The following ZNF665 variants were observed in gnomAD, a reference collection of about 807,000 sequenced individuals.
ZNF665 encodes zinc finger protein 665.
A neutral mutation model predicts 7.9 loss-of-function variants in ZNF665; 6 were observed. That is an observed-to-expected ratio of 0.76 (90% CI 0.42 to 1.50). ZNF665 has a LOEUF of 1.50. Ranked by LOEUF, ZNF665 falls within the 40% of genes most tolerant of loss-of-function variation. The probability of loss-of-function intolerance (pLI) is 0.01; values close to 1 mark genes in which losing one functional copy is unlikely to be tolerated. For missense variants in ZNF665, 819 were observed against 806.7 expected, an observed-to-expected ratio of 1.02 and a Z score of -0.18; for synonymous variants, 242 against 274.5, an observed-to-expected ratio of 0.88 and a Z score of 1.17.
In ZNF665 at chr19:53,165,615, C is replaced by CATTT; in HGVS notation, c.871_874dup (p.Cys292Ter). On this transcript the variant is annotated stop_gained and frameshift_variant, in exon 4 of 4. Coordinates refer to ENST00000396424, the MANE Select transcript of ZNF665 (RefSeq NM_024733.5). LOFTEE classifies it low-confidence loss of function (END_TRUNC). ...AGTGAAGCACTTGCCACATTCCTTA[C>CATTT]ATTTGTAAGGTTTTTCTCCAGTATG... The CATTT allele has an allele frequency of 6.2e-7, 1 of 1,614,148 alleles. No homozygotes were observed. The highest frequency in any genetic ancestry group is 2.2e-5 in the East Asian group (1 of 44,878).
chr19:53,175,059 A>T (rs2090686720), intron 3 of ZNF665, among the ~76,000 whole-genome samples: 1 of 152,078 alleles, frequency 6.6e-6, no homozygotes, highest in South Asian at 2.1e-4. Context: ...AGGAAACTGT[A>T]GACGGATTTG....
In ZNF665 at chr19:53,164,687, A is replaced by G. The variant is rs12459471; in HGVS notation, c.1803T>C (p.Asn601=). ...TTTGAGTGAAGACCTTGCCACATTC[A>G]TTACATTTGTAAGGTTTTTCTCCAG... ...IHTGEKPYKC[N]ECGKVFTQNS... is the part of the protein sequence containing the mutation. Residue 601 remains asparagine, a synonymous_variant, in exon 4 of 4, where the codon AAT becomes AAC. Transcript: ENST00000396424. 0.61 allele frequency: 979,265 copies of G among 1,613,464 alleles called. 305,503 individuals are homozygous for G. The highest frequency in any genetic ancestry group is 0.72 in the South Asian group (65,107 of 91,036).
chr19:53,164,714 A>G lies in ZNF665; in HGVS notation c.1776T>C (p.His592=). Residue 592 remains histidine (H), a synonymous_variant, in exon 4 of 4, where the codon CAT becomes CAC. Transcript: ENST00000396424. ...HSNLATHQVI[H]TGEKPYKCNE... ...TACATTTGTAAGGTTTTTCTCCAGTATGGATGACCTGATGGGTAGCTAGGT... is the reference window on the plus strand; with the variant it reads ...TACATTTGTAAGGTTTTTCTCCAGTGTGGATGACCTGATGGGTAGCTAGGT... 6.2e-7 allele frequency: 1 copy of G among 1,614,016 alleles called. No individual in the cohort carries two copies. The highest frequency in any genetic ancestry group is 8.5e-7 in the Non-Finnish European group (1 of 1,179,944).
intron 1 of ZNF665, among the ~76,000 whole-genome samples, chr19:53,192,841 C>G (rs572652454): frequency 6.6e-6 from 1 of 152,046 alleles, no homozygotes; most frequent in African/African-American, 2.4e-5. Context: ...TAGGGAGCAG[C>G]AGGGCCCGGC....
At chr19:53,184,134 C>T (rs2090759173) in intron 1 of ZNF665, among the ~76,000 whole-genome samples, 1 of 151,914 alleles carries the variant, frequency 6.6e-6, no homozygotes, top group Non-Finnish European at 1.5e-5. Context: ...CCTGTAGTCC[C>T]AGCTACTTGG....
chr19:53,164,485 G>A lies in ZNF665; in HGVS notation c.2005C>T (p.Leu669Phe). Residue 669 changes from leucine (L) to phenylalanine (F), a missense_variant, in exon 4 of 4, where the codon CTT becomes TTT. Leu to Phe is a conservative substitution (Grantham distance 22). Coordinates refer to ENST00000396424, the MANE Select transcript of ZNF665 (RefSeq NM_024733.5). Reference protein sequence around the residue: ...CGKVFTQNSNLAKHRRIHSG With the variant: ...CGKVFTQNSNFAKHRRIHSG ...CTATGAATTCTTCGATGTTTTGCAA[G>A]GTTTGAATTTTGAGTAAAGACCTTG... The A allele has an allele frequency of 6.2e-7, 1 of 1,602,214 alleles. No individual in the cohort carries two copies.
At chr19:53,173,018 T>C (rs1568659218) in intron 3 of ZNF665, among the ~76,000 whole-genome samples, 1 of 152,136 alleles carries the variant, frequency 6.6e-6, no homozygotes, top group Non-Finnish European at 1.5e-5. Flanking sequence ...TGTTAATTGT[T>C]CCCTTTGCAG....
intron 1 of ZNF665, among the ~76,000 whole-genome samples, chr19:53,185,300 G>A (rs547939902): frequency 4.6e-5 from 7 of 152,056 alleles, no homozygotes; most frequent in Non-Finnish European, 7.4e-5. Context: ...AGACGCTGGC[G>A]TCACCGCTAG....
In ZNF665 at chr19:53,165,460, T is replaced by C. The variant is rs1303674165; in HGVS notation, c.1030A>G (p.Lys344Glu). 22 of 1,613,294 alleles carry C rather than the reference T, an allele frequency of 1.4e-5. No individual in the cohort carries two copies. The highest frequency in any genetic ancestry group is 1.9e-5 in the Non-Finnish European group (22 of 1,179,474). Residue 344 changes from lysine to glutamate, a missense_variant, in exon 4 of 4, where the codon AAA becomes GAA. Coordinates refer to ENST00000396424, the MANE Select transcript of ZNF665 (RefSeq NM_024733.5). ...TTHQTIHTGE[K>E]PYKCNECGKV... ...CCACATTCATTACATTTGTAAGGTT[T>C]TTCTCCAGTGTGGATTGTCTGATGG...
chr19:53,185,603 G>C (rs1411478907), intron 1 of ZNF665, among the ~76,000 whole-genome samples: 1 of 152,036 alleles, frequency 6.6e-6, no homozygotes. Context: ...TCTTGCCTCA[G>C]CACCTGGGTG....
intron 2 of ZNF665, chr19:53,179,871 G>A (rs1461142078): frequency 6.6e-6 from 1 of 152,218 alleles, no homozygotes; most frequent in African/African-American, 2.4e-5. Context: ...CCAGTTGGTT[G>A]CTTGCTGTTT....
chr19:53,171,520 A>ATTTTTTTTTTTTTTTTTT (rs1233778767), intron 3 of ZNF665, among the ~76,000 whole-genome samples: 1 of 82,790 alleles, frequency 1.2e-5, no homozygotes, highest in African/African-American at 5.0e-5. Flanking sequence ...ATATATATAT[A>ATTTTTTTTTTTTTTTTTT]TATATTTTTT....
Position 53,182,960 on chromosome 19 carries a change from G to A in ZNF665, c.-45-17C>T, listed in dbSNP as rs1446965603. The stretch of plus-strand genomic sequence containing the variant: ...GGGTTCTACCTTGGGTAACATGAAA[G>A]AGACTTTAGAATTCAATCCTGAATG... On this transcript the variant is annotated splice_polypyrimidine_tract_variant and intron_variant, in intron 1 of 3. Coordinates refer to ENST00000396424, the MANE Select transcript of ZNF665 (RefSeq NM_024733.5). The A allele has an allele frequency of 1.3e-6, 2 of 1,596,230 alleles. No individual in the cohort carries two copies. The highest frequency in any genetic ancestry group is 1.7e-6 in the Non-Finnish European group (2 of 1,173,340).
At chr19:53,179,344 C>T (rs1477250219) in intron 2 of ZNF665, among the ~76,000 whole-genome samples, 2 of 137,970 alleles carry the variant, frequency 1.4e-5, no homozygotes, top group African/African-American at 2.7e-5. Context: ...CCACTGCACT[C>T]CAGCCTGGGT....
chr19:53,175,877 T>C (rs2090694350), intron 2 of ZNF665, among the ~76,000 whole-genome samples: 1 of 152,146 alleles, frequency 6.6e-6, no homozygotes, highest in East Asian at 1.9e-4. Context: ...ATTACAGGGT[T>C]AGGCTGGGAG....
chr19:53,176,212 T>G (rs2090696969), intron 2 of ZNF665, among the ~76,000 whole-genome samples: 1 of 152,002 alleles, frequency 6.6e-6, no homozygotes, highest in African/African-American at 2.4e-5. Flanking sequence ...GGTTGGGACT[T>G]CCAGGCTCAA....
intron 1 of ZNF665, among the ~76,000 whole-genome samples, chr19:53,184,635 G>T (rs73583202): frequency 6.6e-6 from 1 of 152,160 alleles, no homozygotes; most frequent in Non-Finnish European, 1.5e-5. Flanking sequence ...TGTAGGGTCC[G>T]GCCCCACAGG....
chr19:53,165,281 T>C lies in ZNF665; in HGVS notation c.1209A>G (p.Lys403=), dbSNP rs1301278944. 3 of 1,613,188 alleles carry C rather than the reference T, an allele frequency of 1.9e-6. No individual in the cohort carries two copies. The highest frequency in any genetic ancestry group is 1.7e-5 in the Admixed American group (1 of 59,954). ...TGAAAACCTTGACGCATTCATTACA[T>C]TTGAAAGGCTTTTCTCCGGTATGGA... ...QIIHTGEKPF[K]CNECVKVFTQ... Residue 403 remains lysine, a synonymous_variant, in exon 4 of 4, where the codon AAA becomes AAG. Coordinates refer to ENST00000396424, the MANE Select transcript of ZNF665 (RefSeq NM_024733.5).
intron 3 of ZNF665, among the ~76,000 whole-genome samples, chr19:53,169,680 C>T (rs2090642451): frequency 6.6e-6 from 1 of 151,724 alleles, no homozygotes; most frequent in South Asian, 2.1e-4. Flanking sequence ...CTATCCCTCC[C>T]CCTTCCCCCC....
Sources: allele counts gnomAD v4.1 joint callset (sites outside exome capture counted in the v4.1 genomes callset), GRCh38; gene constraint gnomAD v4.1.1; transcripts MANE v1.5; gene names NCBI Gene and HGNC (gene_info 2026-07-23, HGNC 2026-07-21).